AMBP: variants seen among roughly 807,000 people sequenced by gnomAD.
AMBP encodes the protein alpha-1-microglobulin/bikunin precursor.
In AMBP, 37 loss-of-function variants were observed where a neutral mutation model predicts 46.3. That is an observed-to-expected ratio of 0.80 (90% CI 0.61 to 1.05). The LOEUF is 1.05. Ranked by LOEUF, AMBP falls within the 50% of genes least tolerant of loss-of-function variation. AMBP has a pLI of 0.00. For synonymous variants in AMBP, 174 were observed against 175.9 expected (o/e 0.99, Z 0.09); for missense variants, 475 against 461.2 (o/e 1.03, Z -0.27).
In AMBP at chr9:114,074,985, A is replaced by G. The variant is rs755527367; in HGVS notation, c.312T>C (p.Asp104=). 65 of 1,614,012 alleles carry G rather than the reference A, an allele frequency of 4.0e-5. No individual in the cohort carries two copies. The highest frequency in any genetic ancestry group is 3.3e-4 in the Middle Eastern group (2 of 6,084). ...TSGAYEKTDT[D]GKFLYHKSKW... is the part of the protein sequence containing the mutation. The stretch of plus-strand genomic sequence containing the variant: ...TGGATTTGTGATAGAGAAACTTCCC[A>G]TCAGTATCTGTTTTCTCATAAGCTC... Residue 104 remains aspartate, a synonymous_variant, in exon 3 of 10, where the codon GAT becomes GAC. Transcript: ENST00000265132.
intron 9 of AMBP, among the ~76,000 whole-genome samples, chr9:114,060,491 C>G (rs760578278): frequency 1.4e-4 from 22 of 152,136 alleles, no homozygotes; most frequent in Non-Finnish European, 3.2e-4. Context: ...GGTTGCTCTT[C>G]CCTGGAATGC....
intron 5 of AMBP, 51 bp from the exon 6 acceptor site, chr9:114,069,796 G>A: frequency 6.3e-7 from 1 of 1,589,178 alleles, no homozygotes; most frequent in Non-Finnish European, 8.6e-7. Context: ...AGGCCCAGGG[G>A]CCATCCTAGA....
In AMBP at chr9:114,062,679, T is replaced by A; in HGVS notation, c.683A>T (p.Glu228Val). 1.2e-6 allele frequency: 2 copies of A among 1,613,664 alleles called. No homozygotes were observed. Among genetic ancestry groups the A allele is most frequent in the Non-Finnish European group, 1.7e-6 (2 of 1,179,960 alleles). ...GQLVTEVTKKEDSCQLGYSAG... is the reference protein window; with the variant it reads ...GQLVTEVTKKVDSCQLGYSAG... The stretch of plus-strand genomic sequence containing the variant: ...GTGAAAAGGCAGGTGTTCATTACCT[T>A]CTTTCTTGGTGACTTCAGTTACCAG... Residue 228 changes from glutamate (E) to valine (V), a missense_variant and splice_region_variant, in exon 7 of 10, where the codon GAA (glutamate) becomes GTA (valine). This residue lies in a region of AMBP where 293 missense variants were observed against 276.9 expected (regional missense o/e 1.06). Transcript: ENST00000265132.
At position 114,062,507 on chromosome 9, in the gene AMBP, C is replaced by T. The variant is rs185670477; in HGVS notation, c.685+170G>A. ...ATGCCTCATGCTCTTCTCTCTGCCC[C>T]CACAACCCCTGGCAGAGTGCAGAGT... is the stretch of plus-strand genomic sequence containing the variant. On this transcript the variant is annotated intron_variant, in intron 7 of 9. Coordinates refer to ENST00000265132, the MANE Select transcript of AMBP (RefSeq NM_001633.4). Among the ~76,000 whole-genome samples the T allele has an allele frequency of 5.9e-5, 9 of 152,316 alleles. No individual in the cohort carries two copies. In the East Asian group the frequency reaches 1.7e-3, roughly 29 times the overall value.
rs142095902 is a variant in AMBP, at chr9:114,072,927, C to T, written c.554G>A (p.Arg185Gln). The T allele has an allele frequency of 1.2e-4, 188 of 1,613,672 alleles. No homozygotes were observed. Among genetic ancestry groups the T allele is most frequent in the African/African-American group, 2.9e-4 (22 of 75,030 alleles). The stretch of plus-strand genomic sequence containing the variant: ...TGAGGCGGAGGGGTGCTATGTACCT[C>T]GGTCAGCCATGGTGAAGATGGAGTC... ...PEDSIFTMAD[R>Q]GECVPGEQEP... The change falls in exon 5 of 10, where the codon CGA (arginine) becomes CAA (glutamine). Residue 185 changes from arginine to glutamine, a missense_variant and splice_region_variant. Transcript: ENST00000265132.
intron 6 of AMBP, among the ~76,000 whole-genome samples, chr9:114,066,746 G>GAAGATGAA (rs1846698761): frequency 6.6e-6 from 1 of 152,106 alleles, no homozygotes; most frequent in Non-Finnish European, 1.5e-5. Flanking sequence ...AGAGATGAAA[G>GAAGATGAA]CGACTGGGAA....
intron 2 of AMBP, among the ~76,000 whole-genome samples, chr9:114,076,318 G>C (rs13286596): frequency 0.29 from 43,650 of 151,622 alleles, 7,288 homozygotes; most frequent in Middle Eastern, 0.51. Flanking sequence ...CAGTTCCCAG[G>C]TTGGGTCCCT....
At chr9:114,069,978 A>G in intron 5 of AMBP, 1 of 556,938 alleles carries the variant, frequency 1.8e-6, no homozygotes, top group Non-Finnish European at 3.2e-6. Context: ...CACTAGCATC[A>G]TTTTATCAGC....
intron 6 of AMBP, among the ~76,000 whole-genome samples, chr9:114,066,376 C>CGTGTGTGTGTGTGTGTGTGTGTGTGTGT (rs55940547): frequency 4.2e-4 from 60 of 141,272 alleles, no homozygotes; most frequent in African/African-American, 8.4e-4. Flanking sequence ...TTTATGTGCA[C>CGTGTGTGTGTGTGTGTGTGTGTGTGTGT]GTGTGTGTGT....
intron 6 of AMBP, among the ~76,000 whole-genome samples, chr9:114,069,466 T>C (rs139095168): frequency 6.6e-6 from 1 of 152,340 alleles, no homozygotes; most frequent in African/African-American, 2.4e-5. Context: ...ATTGTGATTA[T>C]CCTGTTTTGA....
intron 2 of AMBP, 49 bp downstream of exon 2, chr9:114,076,549 G>A (rs377506440): frequency 1.2e-6 from 2 of 1,600,280 alleles, no homozygotes; most frequent in African/African-American, 2.7e-5. Context: ...TGGGAAGGTT[G>A]TGGGTCTCTG....
chr9:114,076,765 G>T (rs776461049), intron 1 of AMBP, 25 bp from the exon 2 acceptor site: 1 of 1,610,978 alleles, frequency 6.2e-7, no homozygotes, highest in Non-Finnish European at 8.5e-7. Context: ...AGCTCTGGGG[G>T]TCTGCATCAG....
chr9:114,061,174 C>T, intron 8 of AMBP, 76 bp from the exon 9 acceptor site: 1 of 1,540,752 alleles, frequency 6.5e-7, no homozygotes, highest in Admixed American at 1.9e-5. Context: ...ACTGCTGAGC[C>T]AGAGGGCCCT....
At chr9:114,069,856 T>A in intron 5 of AMBP, 111 bp from the exon 6 acceptor site, 1 of 1,132,110 alleles carries the variant, frequency 8.8e-7, no homozygotes, top group Non-Finnish European at 1.3e-6. Flanking sequence ...TGTCGTGCCT[T>A]AGTCCACTTC....
At position 114,060,940 on chromosome 9, in the gene AMBP, C is replaced by CAGT; in HGVS notation, c.1011_1012insACT (p.Cys337_Gly338insThr). ...GGCTGCCTACCATCACCAGGGACAC[C>CAGT]GCAGTACTCTCTGCACTCCTTCTCT... On this transcript the variant is annotated inframe_insertion, in exon 9 of 10. Transcript: ENST00000265132. 6.2e-7 allele frequency: 1 copy of CAGT among 1,613,998 alleles called. No homozygotes were observed. Among genetic ancestry groups the CAGT allele is most frequent in the Non-Finnish European group, 8.5e-7 (1 of 1,179,926 alleles).
chr9:114,067,330 T>C (rs1264469307), intron 6 of AMBP, among the ~76,000 whole-genome samples: 1 of 152,120 alleles, frequency 6.6e-6, no homozygotes, highest in African/African-American at 2.4e-5. Flanking sequence ...CTAGAACTCC[T>C]GGGCTCAAGC....
In AMBP at chr9:114,074,152, T is replaced by C; in HGVS notation, c.338A>G (p.Lys113Arg). 1.9e-6 allele frequency: 3 copies of C among 1,613,650 alleles called. No individual in the cohort carries two copies. Among genetic ancestry groups the C allele is most frequent in the Non-Finnish European group, 2.5e-6 (3 of 1,179,574 alleles). ...ATAGGACTCCATGGTTATGTTCCAT[T>C]CTGCATGGGAGGTGCAGGCAGACCA... ...TDGKFLYHKS[K>R]WNITMESYVV... The change falls in exon 4 of 10, where the codon AAA becomes AGA. Residue 113 changes from lysine (K) to arginine (R), a missense_variant and splice_region_variant. By Grantham distance (26) the Lys-to-Arg change is conservative (BLOSUM62 2). Around this residue, in one of 3 missense-constraint regions of AMBP, gnomAD observed 179 missense variants for 167.4 expected, o/e 1.07. Coordinates refer to ENST00000265132, the MANE Select transcript of AMBP (RefSeq NM_001633.4).
At chr9:114,060,395 T>C (rs1846621846) in intron 9 of AMBP, 125 bp from the exon 10 acceptor site, 1 of 1,048,624 alleles carries the variant, frequency 9.5e-7, no homozygotes, top group South Asian at 1.7e-5. Flanking sequence ...GGGTATTCCA[T>C]GAAATGATCA....
intron 6 of AMBP, among the ~76,000 whole-genome samples, chr9:114,063,030 A>G (rs548469799): frequency 6.9e-6 from 1 of 145,454 alleles, no homozygotes; most frequent in East Asian, 2.0e-4. Flanking sequence ...AAGTGCCTAA[A>G]GGAATATAGT....
Sources: allele counts gnomAD v4.1 joint callset (sites outside exome capture counted in the v4.1 genomes callset), GRCh38; gene constraint gnomAD v4.1.1; regional missense constraint gnomAD v4.1.1; transcripts MANE v1.5; gene names NCBI Gene and HGNC (gene_info 2026-07-23, HGNC 2026-07-21).